Variants in GALNT18 observed in about 807,000 individuals in gnomAD.
The protein encoded by GALNT18 is polypeptide N-acetylgalactosaminyltransferase 18.
Under a neutral mutation model 69.5 loss-of-function variants are expected in GALNT18, and 44 were observed. That is an observed-to-expected ratio of 0.63 (90% CI 0.50 to 0.81). The LOEUF (loss-of-function observed/expected upper bound fraction) is 0.81, where lower values mean the gene tolerates loss of function less well. Among genes scored for constraint, GALNT18 ranks in the 40% least tolerant of loss-of-function variants. The pLI is 0.00. For synonymous variants in GALNT18, 364 were observed against 318.2 expected (o/e 1.14, Z -1.53); for missense variants, 715 against 810.0 (o/e 0.88, Z 1.42).
At chr11:11,380,662 T>C (rs746608110) in intron 3 of GALNT18, among the ~76,000 whole-genome samples, 12 of 152,258 alleles carry the variant, frequency 7.9e-5, no homozygotes, top group Non-Finnish European at 1.6e-4. Flanking sequence ...CCATCCCATC[T>C]CTGTGGATGC....
rs1195268837 is a variant in GALNT18, at chr11:11,340,361, G to T, written c.1278+458C>A. 6.6e-6 allele frequency among the ~76,000 whole-genome samples: 1 copy of T among 150,782 alleles called. No homozygotes were observed. Among genetic ancestry groups the T allele is most frequent in the African/African-American group, 2.4e-5 (1 of 40,828 alleles). On this transcript the variant is annotated intron_variant, in intron 7 of 10. Coordinates refer to ENST00000227756, the MANE Select transcript of GALNT18 (RefSeq NM_198516.3). This position sits in a 1 kb window ranked among gnomAD's most constrained non-coding sequence, Gnocchi z 4.2. ...ACACGTGGCTCAAGAAACCTGAAAG[G>T]CATGTGGATCTTTATAACTCTGGTC...
At chr11:11,547,244 T>C (rs1410528837) in intron 1 of GALNT18, among the ~76,000 whole-genome samples, 1 of 151,914 alleles carries the variant, frequency 6.6e-6, no homozygotes, top group East Asian at 1.9e-4. Flanking sequence ...CTCTAGCTTC[T>C]CCTAGTTCTG....
chr11:11,349,755 C>T (rs1850366056), intron 6 of GALNT18, among the ~76,000 whole-genome samples: 1 of 152,164 alleles, frequency 6.6e-6, no homozygotes, highest in East Asian at 1.9e-4. Flanking sequence ...CCCAGGTTTC[C>T]TGGGGTACAT....
chr11:11,479,091 G>A (rs1193876347), intron 1 of GALNT18, among the ~76,000 whole-genome samples: 1 of 152,212 alleles, frequency 6.6e-6, no homozygotes, highest in African/African-American at 2.4e-5. Context: ...GCAGCTTCCT[G>A]CTGTGCCTAA....
At chr11:11,311,644 C>G (rs1016106186) in intron 9 of GALNT18, among the ~76,000 whole-genome samples, 1 of 152,132 alleles carries the variant, frequency 6.6e-6, no homozygotes, top group Non-Finnish European at 1.5e-5. Context: ...CCAACCTATG[C>G]TCATAGCAAC....
chr11:11,438,396 C>T (rs189174872), intron 2 of GALNT18, among the ~76,000 whole-genome samples: 16 of 152,280 alleles, frequency 1.1e-4, no homozygotes, highest in African/African-American at 1.9e-4. Context: ...CTGCCCCACG[C>T]GGAATACTCA....
intron 1 of GALNT18, among the ~76,000 whole-genome samples, chr11:11,537,704 T>C (rs1437636676): frequency 6.6e-6 from 1 of 152,142 alleles, no homozygotes; most frequent in Non-Finnish European, 1.5e-5. Flanking sequence ...AGGATTTTAT[T>C]AAAAATGTTG....
In GALNT18 at chr11:11,620,883, T is replaced by C. The variant is rs1460866882; in HGVS notation, c.235+476A>G. 6.6e-6 allele frequency among the ~76,000 whole-genome samples: 1 copy of C among 152,186 alleles called. No individual in the cohort carries two copies. The highest frequency in any genetic ancestry group is 1.5e-5 in the Non-Finnish European group (1 of 68,014). On this transcript the variant is annotated intron_variant, in intron 1 of 10. Transcript: ENST00000227756. The surrounding 1 kb of genome is among the most constrained non-coding windows in gnomAD (Gnocchi z 6.9). ...TCCTAGCCTCGCTTGTCCGGCAGCC[T>C]GCGGGTCTTAACTGCCAATAGTCAG... is the stretch of plus-strand genomic sequence containing the variant.
At chr11:11,371,509 G>A (rs1490504920) in intron 6 of GALNT18, among the ~76,000 whole-genome samples, 1 of 152,206 alleles carries the variant, frequency 6.6e-6, no homozygotes, top group African/African-American at 2.4e-5. Flanking sequence ...TGGCAGTGAG[G>A]TGGAGCATCT....
chr11:11,493,088 C>A (rs1564977309), intron 1 of GALNT18, among the ~76,000 whole-genome samples: 1 of 151,744 alleles, frequency 6.6e-6, no homozygotes, highest in Non-Finnish European at 1.5e-5. Flanking sequence ...TGGTGAAACC[C>A]TGTCTTTACT....
chr11:11,407,298 C>T (rs1854610989), intron 3 of GALNT18, among the ~76,000 whole-genome samples: 1 of 152,208 alleles, frequency 6.6e-6, no homozygotes, highest in South Asian at 2.1e-4. Context: ...TTCTGACAGA[C>T]CAGGCAAAAG....
intron 1 of GALNT18, among the ~76,000 whole-genome samples, chr11:11,580,421 T>C (rs1418214905): frequency 6.6e-6 from 1 of 152,208 alleles, no homozygotes; most frequent in African/African-American, 2.4e-5. Flanking sequence ...GCTTCTCATG[T>C]TTCCCGGCTT....
intron 1 of GALNT18, among the ~76,000 whole-genome samples, chr11:11,491,379 T>C (rs1386423): frequency 0.58 from 88,697 of 152,086 alleles, 26,103 homozygotes; most frequent in Admixed American, 0.67. Context: ...AGAGCACCAA[T>C]CTAGTCACTG....
chr11:11,558,402 G>A (rs921402348), intron 1 of GALNT18, among the ~76,000 whole-genome samples: 2 of 152,250 alleles, frequency 1.3e-5, no homozygotes, highest in African/African-American at 4.8e-5. Context: ...ACTGCTGAAT[G>A]CTTGCAAATG....
chr11:11,426,323 G>A (rs928336064), intron 3 of GALNT18, among the ~76,000 whole-genome samples: 4 of 152,220 alleles, frequency 2.6e-5, no homozygotes, highest in African/African-American at 9.6e-5. Flanking sequence ...AGTGGTGCCT[G>A]CAGCCAGAGG....
chr11:11,462,639 G>A (rs374393646), intron 1 of GALNT18, among the ~76,000 whole-genome samples: 2 of 151,990 alleles, frequency 1.3e-5, no homozygotes, highest in African/African-American at 2.4e-5. Context: ...AACACAAGGT[G>A]ATCTCTAAGA....
Position 11,389,308 on chromosome 11 carries a change from C to A in GALNT18, c.596-10044G>T, listed in dbSNP as rs182844637. 6.6e-6 allele frequency among the ~76,000 whole-genome samples: 1 copy of A among 152,308 alleles called. No homozygotes were observed. Among genetic ancestry groups the A allele is most frequent in the Admixed American group, 6.5e-5 (1 of 15,296 alleles). ...CTCAACAGAAGCTCTTCCCCTGGGACCATAACTCCGTGTCCTCTATTTGTC... is the reference window on the plus strand; with the variant it reads ...CTCAACAGAAGCTCTTCCCCTGGGAACATAACTCCGTGTCCTCTATTTGTC... On this transcript the variant is annotated intron_variant, in intron 3 of 10. Coordinates refer to ENST00000227756, the MANE Select transcript of GALNT18 (RefSeq NM_198516.3). The surrounding 1 kb of genome is among the most constrained non-coding windows in gnomAD (Gnocchi z 4.3).
intron 1 of GALNT18, among the ~76,000 whole-genome samples, chr11:11,488,857 C>T (rs1442362766): frequency 1.3e-5 from 2 of 152,186 alleles, no homozygotes; most frequent in African/African-American, 4.8e-5. Context: ...CCAAAGATGG[C>T]CCACCTGAAA....
Position 11,339,193 on chromosome 11 carries a change from T to C in GALNT18, c.1278+1626A>G, listed in dbSNP as rs1850160702. 6.6e-6 allele frequency among the ~76,000 whole-genome samples: 1 copy of C among 152,176 alleles called. No homozygotes were observed. Among genetic ancestry groups the C allele is most frequent in the Non-Finnish European group, 1.5e-5 (1 of 68,030 alleles). ...GATCCTTTCCTTCTCCACCTAAGGCTTTATCCTGGGCAATTCCACCTCTTA... is the reference window on the plus strand; with the variant it reads ...GATCCTTTCCTTCTCCACCTAAGGCCTTATCCTGGGCAATTCCACCTCTTA... On this transcript the variant is annotated intron_variant, in intron 7 of 10. Transcript: ENST00000227756. The surrounding 1 kb of genome is among the most constrained non-coding windows in gnomAD (Gnocchi z 5.2).
Sources: allele counts gnomAD v4.1 joint callset (sites outside exome capture counted in the v4.1 genomes callset), GRCh38; gene constraint gnomAD v4.1.1; non-coding constraint Gnocchi (gnomAD v3.1); transcripts MANE v1.5; gene names NCBI Gene and HGNC (gene_info 2026-07-23, HGNC 2026-07-21).